Variants in DCC observed in about 807,000 individuals in gnomAD.
DCC encodes netrin receptor DCC.
In DCC, 58 loss-of-function variants were observed where a neutral mutation model predicts 172.5. The observed-to-expected ratio is 0.34, with a 90% CI of 0.27 to 0.42. The LOEUF (loss-of-function observed/expected upper bound fraction) is 0.42. Among genes scored for constraint, DCC ranks in the 10% least tolerant of loss-of-function variants. The pLI is 1.00. For synonymous variants in DCC, 709 were observed against 644.5 expected (o/e 1.10, Z -1.52); for missense variants, 1,740 against 1,791.0 (o/e 0.97, Z 0.51).
intron 13 of DCC, among the ~76,000 whole-genome samples, chr18:53,315,859 G>T (rs1167022712): frequency 6.6e-6 from 1 of 151,976 alleles, no homozygotes; most frequent in African/African-American, 2.4e-5. Context: ...GTAGATTCTG[G>T]ATATTAGCCC....
chr18:53,057,133 G>T (rs1329414402), intron 5 of DCC, among the ~76,000 whole-genome samples: 7 of 141,998 alleles, frequency 4.9e-5, no homozygotes, highest in African/African-American at 1.8e-4. Flanking sequence ...GGGTGTTGCT[G>T]AAAATACTTA....
intron 2 of DCC, among the ~76,000 whole-genome samples, chr18:52,876,862 A>C (rs957291195): frequency 2.6e-5 from 4 of 152,156 alleles, no homozygotes; most frequent in Non-Finnish European, 5.9e-5. Context: ...TCCCTAAAAT[A>C]ACCACCTGCC....
intron 5 of DCC, among the ~76,000 whole-genome samples, chr18:53,017,058 G>GTTTTT (rs58766349): frequency 7.0e-6 from 1 of 143,594 alleles, no homozygotes; most frequent in Admixed American, 7.1e-5. Context: ...ATCATGGTAT[G>GTTTTT]TTTTTTTTTT....
Position 52,752,551 on chromosome 18 carries a change from A to G in DCC, c.412+177A>G, listed in dbSNP as rs568062429. On this transcript the variant is annotated intron_variant, in intron 2 of 28. Transcript: ENST00000442544. ...TACAATGTCATGTTTTGATGTATGTATACATCGTGGAGTGATTATATCAAG... is the reference window on the plus strand; with the variant it reads ...TACAATGTCATGTTTTGATGTATGTGTACATCGTGGAGTGATTATATCAAG... Among the ~76,000 whole-genome samples, 26 of 152,298 alleles carry G rather than the reference A, an allele frequency of 1.7e-4. No individual in the cohort carries two copies. In the South Asian group the frequency reaches 5.2e-3, roughly 30 times the overall value.
Position 53,075,543 on chromosome 18 carries a change from ATTT to A in DCC, c.1261+9393_1261+9395del, listed in dbSNP as rs145928746. Among the ~76,000 whole-genome samples, 404 of 141,064 alleles carry A rather than the reference ATTT, an allele frequency of 2.9e-3. 1 individual carries two copies. Among genetic ancestry groups the A allele is most frequent in the South Asian group, 5.6e-3 (25 of 4,436 alleles). The allele number at this position is 141,064 out of a possible 152,430, so 92.5% of individuals were successfully genotyped here. ...GGTAAATATACCAGAGTGTTATCCC[ATTT>A]TTTTTTTTTTTTTTTAGCTCTCTAG... On this transcript the variant is annotated intron_variant, in intron 7 of 28. Transcript: ENST00000442544.
At position 52,823,647 on chromosome 18, in the gene DCC, A is replaced by G. The variant is rs567701979; in HGVS notation, c.412+71273A>G. Among the ~76,000 whole-genome samples, 13 of 152,300 alleles carry G rather than the reference A, an allele frequency of 8.5e-5. No homozygotes were observed. The South Asian group carries it at 2.7e-3, about 32-fold the overall frequency. ...TTTGGACAAGGACAAAATAAAAATG[A>G]GCTTTTATAAATTGTGTTATAAGAA... On this transcript the variant is annotated intron_variant, in intron 2 of 28. Coordinates refer to ENST00000442544, the MANE Select transcript of DCC (RefSeq NM_005215.4).
intron 1 of DCC, among the ~76,000 whole-genome samples, chr18:52,725,726 G>C (rs1309879783): frequency 6.6e-6 from 1 of 152,122 alleles, no homozygotes; most frequent in Admixed American, 6.6e-5. Context: ...GACTAAGATG[G>C]CATAGCCAAT....
intron 1 of DCC, among the ~76,000 whole-genome samples, chr18:52,570,594 A>C (rs1253133990): frequency 6.6e-6 from 1 of 152,214 alleles, no homozygotes; most frequent in Non-Finnish European, 1.5e-5. Context: ...AGTGAAAACA[A>C]ACCTGTTAGC....
chr18:53,256,287 C>A (rs1454819970), intron 12 of DCC, among the ~76,000 whole-genome samples: 4 of 152,114 alleles, frequency 2.6e-5, no homozygotes, highest in East Asian at 3.9e-4. Context: ...AAGTCCTTGC[C>A]CGTGCCTATG....
intron 7 of DCC, among the ~76,000 whole-genome samples, chr18:53,073,230 A>T (rs2042679113): frequency 6.6e-6 from 1 of 152,170 alleles, no homozygotes; most frequent in African/African-American, 2.4e-5. Flanking sequence ...GACAAATAAA[A>T]AAAAATAAAA....
At chr18:53,352,805 ATATGTG>A (rs1309158935) in intron 15 of DCC, among the ~76,000 whole-genome samples, 3 of 152,068 alleles carry the variant, frequency 2.0e-5, no homozygotes, top group African/African-American at 7.2e-5. Context: ...CCACCTTTGT[ATATGTG>A]TATGTGTGTG....
rs2034389410 is a variant in DCC at position 52,616,756 on chromosome 18, T to C, written c.92-135298T>C. ...AATGCTAAAGCAATTGAGAAAAAGG[T>C]GTTATTTGCCCTAGAATCATGAAAA... On this transcript the variant is annotated intron_variant, in intron 1 of 28. Transcript: ENST00000442544. Among the ~76,000 whole-genome samples, 3 of 152,122 alleles carry C rather than the reference T, an allele frequency of 2.0e-5. No homozygotes were observed. In the South Asian group the frequency reaches 6.2e-4, roughly 32 times the overall value.
intron 1 of DCC, among the ~76,000 whole-genome samples, chr18:52,514,549 G>A (rs756258880): frequency 5.9e-5 from 9 of 152,196 alleles, no homozygotes; most frequent in Non-Finnish European, 1.2e-4. Flanking sequence ...TAGAGACTTG[G>A]AAATGTGATT....
intron 1 of DCC, among the ~76,000 whole-genome samples, chr18:52,394,866 G>A (rs1986159738): frequency 6.6e-6 from 1 of 152,082 alleles, no homozygotes; most frequent in Admixed American, 6.6e-5. Context: ...CTGTTGCAAG[G>A]AAGGTTTATC....
chr18:52,945,046 G>A (rs951691612), intron 5 of DCC, among the ~76,000 whole-genome samples: 1 of 152,046 alleles, frequency 6.6e-6, no homozygotes, highest in Non-Finnish European at 1.5e-5. Context: ...TGCACAATAT[G>A]GGATAAATAT....
chr18:52,541,497 C>A (rs2032445331), intron 1 of DCC, among the ~76,000 whole-genome samples: 1 of 152,096 alleles, frequency 6.6e-6, no homozygotes, highest in South Asian at 2.1e-4. Flanking sequence ...CTCCCAGGTC[C>A]TCTGTGTCCT....
At chr18:53,093,590 A>G (rs1290603386) in intron 7 of DCC, among the ~76,000 whole-genome samples, 1 of 152,194 alleles carries the variant, frequency 6.6e-6, no homozygotes, top group Non-Finnish European at 1.5e-5. Flanking sequence ...GACCTTATTA[A>G]TGTAACTCTA....
chr18:52,439,068 G>C lies in DCC; in HGVS notation c.91+98190G>C, dbSNP rs184359931. Among the ~76,000 whole-genome samples, 4 of 152,168 alleles carry C rather than the reference G, an allele frequency of 2.6e-5. No homozygotes were observed. In the East Asian group the frequency reaches 7.7e-4, roughly 29 times the overall value. ...TCTACCAAGTGTGGGAGAAAAAAAG[G>C]TAAATTCGAAATTAATACACGTTTT... On this transcript the variant is annotated intron_variant, in intron 1 of 28. Transcript: ENST00000442544.
chr18:52,995,485 G>T (rs199562607), intron 5 of DCC, among the ~76,000 whole-genome samples: 1 of 148,868 alleles, frequency 6.7e-6, no homozygotes, highest in East Asian at 2.0e-4. Context: ...AAAGTTTTTT[G>T]TTTTTTTTTT....
Sources: allele counts gnomAD v4.1 joint callset (sites outside exome capture counted in the v4.1 genomes callset), GRCh38; gene constraint gnomAD v4.1.1; transcripts MANE v1.5; gene names NCBI Gene and HGNC (gene_info 2026-07-23, HGNC 2026-07-21).